The following SGCZ variants were observed in gnomAD, a reference collection of about 807,000 sequenced individuals.
The protein encoded by SGCZ is sarcoglycan zeta.
SGCZ carries 40 observed loss-of-function variants against 41.3 expected under a neutral mutation model. The ratio of observed to expected loss-of-function variants is 0.97; its 90% CI spans 0.75 to 1.26. The LOEUF is 1.26. SGCZ is among the 50% of genes most tolerant of loss of function. The probability of loss-of-function intolerance (pLI) is 0.00; values close to 1 mark genes in which losing one functional copy is unlikely to be tolerated. For synonymous variants in SGCZ, 206 were observed against 137.5 expected (o/e 1.50, Z -3.49); for missense variants, 552 against 369.8 (o/e 1.49, Z -4.04).
At chr8:14,710,097 T>TG (rs572709596) in intron 1 of SGCZ, among the ~76,000 whole-genome samples, 3 of 152,134 alleles carry the variant, frequency 2.0e-5, no homozygotes, top group African/African-American at 7.2e-5. Context: ...CCAGGCGCGG[T>TG]GGCTCACGCC....
At chr8:15,187,295 T>C (rs1294658481) in intron 1 of SGCZ, among the ~76,000 whole-genome samples, 1 of 152,108 alleles carries the variant, frequency 6.6e-6, no homozygotes, top group East Asian at 1.9e-4. Context: ...GTTATATAAT[T>C]CAAACGAAGA....
intron 1 of SGCZ, among the ~76,000 whole-genome samples, chr8:15,002,655 G>T (rs1264774703): frequency 6.6e-6 from 1 of 152,150 alleles, no homozygotes; most frequent in Non-Finnish European, 1.5e-5. Context: ...ACCTTCTCAA[G>T]CTTTTTGGGG....
intron 4 of SGCZ, among the ~76,000 whole-genome samples, chr8:14,172,201 T>G (rs1804403611): frequency 6.6e-6 from 1 of 152,204 alleles, no homozygotes; most frequent in Admixed American, 6.5e-5. Flanking sequence ...GACTTATTTT[T>G]TGTTCATGCC....
chr8:14,671,501 T>C (rs1261130731), intron 1 of SGCZ, among the ~76,000 whole-genome samples: 18 of 152,198 alleles, frequency 1.2e-4, no homozygotes, highest in Non-Finnish European at 1.0e-4. Context: ...GATCTAACTG[T>C]AGGCTAGCAC....
intron 1 of SGCZ, among the ~76,000 whole-genome samples, chr8:15,040,625 AC>A (rs1226386034): frequency 6.6e-6 from 1 of 152,098 alleles, no homozygotes; most frequent in African/African-American, 2.4e-5. Context: ...CTATCTCAAA[AC>A]AAAAAAGTGA....
intron 1 of SGCZ, among the ~76,000 whole-genome samples, chr8:14,661,700 C>G (rs1219317444): frequency 1.3e-5 from 2 of 152,016 alleles, no homozygotes; most frequent in Admixed American, 6.6e-5. Context: ...TGGAGTCTCT[C>G]TTGGGTTCTT....
At chr8:15,115,473 G>T (rs987031910) in intron 1 of SGCZ, among the ~76,000 whole-genome samples, 4 of 152,142 alleles carry the variant, frequency 2.6e-5, no homozygotes, top group Non-Finnish European at 5.9e-5. Flanking sequence ...AGAAACTCAA[G>T]ACAAACAAAT....
chr8:14,234,383 T>C (rs1806682018), intron 4 of SGCZ, among the ~76,000 whole-genome samples: 2 of 151,996 alleles, frequency 1.3e-5, no homozygotes. Context: ...ACAAGAGGAA[T>C]GGATATTCGC....
At chr8:14,662,935 G>A (rs1807802127) in intron 1 of SGCZ, among the ~76,000 whole-genome samples, 1 of 152,138 alleles carries the variant, frequency 6.6e-6, no homozygotes, top group Admixed American at 6.6e-5. Flanking sequence ...ATGGGTTTCA[G>A]CTGACAGCCA....
chr8:14,830,464 T>C (rs1802486854), intron 1 of SGCZ, among the ~76,000 whole-genome samples: 1 of 152,146 alleles, frequency 6.6e-6, no homozygotes, highest in Non-Finnish European at 1.5e-5. Flanking sequence ...CCTCTTTCTT[T>C]CTCTCTCTTT....
chr8:15,025,548 CA>C (rs1487691585), intron 1 of SGCZ, among the ~76,000 whole-genome samples: 2 of 152,116 alleles, frequency 1.3e-5, no homozygotes, highest in African/African-American at 2.4e-5. Flanking sequence ...ATACAGTGGT[CA>C]AAGGCTTCTT....
intron 2 of SGCZ, among the ~76,000 whole-genome samples, chr8:14,394,134 G>GCCCCCC (rs142651514): frequency 2.3e-5 from 3 of 128,782 alleles, no homozygotes; most frequent in African/African-American, 1.0e-4. Flanking sequence ...CTGCCCTACC[G>GCCCCCC]CCCCCCACCT....
At chr8:14,382,555 T>A (rs911842031) in intron 2 of SGCZ, among the ~76,000 whole-genome samples, 1 of 152,090 alleles carries the variant, frequency 6.6e-6, no homozygotes, top group African/African-American at 2.4e-5. Context: ...CCAGCTCACA[T>A]AGGACCCTTA....
chr8:14,554,994 T>G (rs916813128), intron 1 of SGCZ, 68 bp from the exon 2 acceptor site: 1 of 1,393,928 alleles, frequency 7.2e-7, no homozygotes, highest in African/African-American at 1.4e-5. Context: ...AATAAACCCA[T>G]GATTTTTTTG....
chr8:14,322,347 T>C (rs1384975633), intron 3 of SGCZ, among the ~76,000 whole-genome samples: 2 of 151,890 alleles, frequency 1.3e-5, no homozygotes, highest in Non-Finnish European at 1.5e-5. Context: ...GTCAATACAG[T>C]AGGTTTTGGA....
At chr8:14,811,434 A>G (rs371176143) in intron 1 of SGCZ, among the ~76,000 whole-genome samples, 1 of 151,762 alleles carries the variant, frequency 6.6e-6, no homozygotes, top group African/African-American at 2.4e-5. Context: ...AACAGCACAA[A>G]AACAAAAACA....
intron 1 of SGCZ, among the ~76,000 whole-genome samples, chr8:15,086,756 A>G (rs1400047293): frequency 6.6e-6 from 1 of 152,178 alleles, no homozygotes; most frequent in African/African-American, 2.4e-5. Flanking sequence ...ATTTTCAAAT[A>G]TAAGGATTCT....
At chr8:15,071,200 A>C (rs1327031150) in intron 1 of SGCZ, among the ~76,000 whole-genome samples, 1 of 152,222 alleles carries the variant, frequency 6.6e-6, no homozygotes, top group African/African-American at 2.4e-5. Context: ...TAATTAGAGG[A>C]GCAACTTGAT....
intron 2 of SGCZ, among the ~76,000 whole-genome samples, chr8:14,426,316 A>C (rs1257400418): frequency 3.9e-5 from 6 of 152,144 alleles, no homozygotes; most frequent in Non-Finnish European, 8.8e-5. Flanking sequence ...TGCCAGAGTG[A>C]AGGAAGCATG....
Sources: allele counts gnomAD v4.1 joint callset (sites outside exome capture counted in the v4.1 genomes callset), GRCh38; gene constraint gnomAD v4.1.1; transcripts MANE v1.5; gene names NCBI Gene and HGNC (gene_info 2026-07-23, HGNC 2026-07-21).